The following NPFFR2 variants were observed in gnomAD, a reference collection of about 807,000 sequenced individuals.
The protein encoded by NPFFR2 is G-protein coupled receptor 74.
Under a neutral mutation model 13.1 loss-of-function variants are expected in NPFFR2, and 15 were observed. The ratio of observed to expected loss-of-function variants is 1.15; its 90% CI spans 0.77 to 1.76. NPFFR2 has a LOEUF of 1.76. Ranked by LOEUF, NPFFR2 falls within the 40% of genes most tolerant of loss-of-function variation. The probability of loss-of-function intolerance (pLI) is 0.00; values close to 1 mark genes in which losing one functional copy is unlikely to be tolerated. For missense variants in NPFFR2, 572 were observed against 503.5 expected, an observed-to-expected ratio of 1.14 and a Z score of -1.30; for synonymous variants, 190 against 175.7, an observed-to-expected ratio of 1.08 and a Z score of -0.65.
At chr4:72,091,281 A>G (rs79627281) in intron 1 of NPFFR2, among the ~76,000 whole-genome samples, 4,424 of 151,944 alleles carry the variant, frequency 0.029, 173 homozygotes, top group African/African-American at 0.09. Flanking sequence ...CAGGGACATT[A>G]GTGTGTAGTT....
At chr4:72,109,123 A>G (rs1721494608) in intron 1 of NPFFR2, among the ~76,000 whole-genome samples, 1 of 152,050 alleles carries the variant, frequency 6.6e-6, no homozygotes, top group South Asian at 2.1e-4. Flanking sequence ...TTTAGATTAC[A>G]GATTACTAAG....
intron 1 of NPFFR2, chr4:72,069,066 A>G (rs1426192849): frequency 6.2e-6 from 4 of 640,296 alleles, no homozygotes; most frequent in Non-Finnish European, 9.9e-6. Flanking sequence ...AAAAGAGATA[A>G]TACCAACACT....
chr4:72,049,431 G>T (rs1294787842), intron 1 of NPFFR2, among the ~76,000 whole-genome samples: 1 of 151,974 alleles, frequency 6.6e-6, no homozygotes, highest in African/African-American at 2.4e-5. Context: ...ATTTTTGCAG[G>T]GTGATTGTTC....
chr4:72,070,557 G>GGGGGGGGC, intron 1 of NPFFR2, among the ~76,000 whole-genome samples: 1 of 2,162 alleles, frequency 4.6e-4, no homozygotes, highest in East Asian at 5.7e-3. Flanking sequence ...GTGTGTGTGT[G>GGGGGGGGC]TGTGGGGGGG....
chr4:72,045,099 C>T (rs557808743), intron 1 of NPFFR2, among the ~76,000 whole-genome samples: 1 of 152,088 alleles, frequency 6.6e-6, no homozygotes, highest in East Asian at 1.9e-4. Flanking sequence ...TTCTTTCTTC[C>T]ACATATGGAT....
At chr4:72,037,018 G>A (rs1337218950) in intron 1 of NPFFR2, among the ~76,000 whole-genome samples, 2 of 152,084 alleles carry the variant, frequency 1.3e-5, no homozygotes, top group South Asian at 2.1e-4. Flanking sequence ...ATTTAAAGAG[G>A]TGATACTTGC....
At chr4:72,043,352 C>T (rs1719284114) in intron 1 of NPFFR2, among the ~76,000 whole-genome samples, 1 of 152,150 alleles carries the variant, frequency 6.6e-6, no homozygotes, top group African/African-American at 2.4e-5. Flanking sequence ...CCTAGTAGGC[C>T]TGTGAGAAGA....
intron 1 of NPFFR2, among the ~76,000 whole-genome samples, chr4:72,080,219 C>T (rs1720570935): frequency 6.6e-6 from 1 of 151,376 alleles, no homozygotes; most frequent in Non-Finnish European, 1.5e-5. Flanking sequence ...GGCCGGAGTG[C>T]AGTGGTGCAA....
chr4:72,103,195 C>T (rs1423902826), intron 1 of NPFFR2, among the ~76,000 whole-genome samples: 4 of 152,112 alleles, frequency 2.6e-5, no homozygotes, highest in Non-Finnish European at 5.9e-5. Flanking sequence ...ATTTTCAGAG[C>T]CAATTCTATT....
chr4:72,134,741 T>C (rs992425309), intron 2 of NPFFR2, among the ~76,000 whole-genome samples: 6 of 152,156 alleles, frequency 3.9e-5, no homozygotes, highest in African/African-American at 1.2e-4. Flanking sequence ...TTTAAACATA[T>C]CAGGTATCTA....
chr4:72,055,254 C>T (rs1458525321), intron 1 of NPFFR2, among the ~76,000 whole-genome samples: 8 of 151,766 alleles, frequency 5.3e-5, no homozygotes, highest in Admixed American at 1.3e-4. Flanking sequence ...GTTCCCCAAG[C>T]GCATAGGCTC....
chr4:72,076,207 A>G (rs1295146918), intron 1 of NPFFR2, among the ~76,000 whole-genome samples: 1 of 151,632 alleles, frequency 6.6e-6, no homozygotes, highest in Non-Finnish European at 1.5e-5. Context: ...ATTTAAAGCA[A>G]ATACATTTTT....
At chr4:72,063,225 A>C (rs1471626618) in intron 1 of NPFFR2, among the ~76,000 whole-genome samples, 1 of 152,204 alleles carries the variant, frequency 6.6e-6, no homozygotes, top group Non-Finnish European at 1.5e-5. Flanking sequence ...TATATTTGTT[A>C]TTCTACCAAG....
intron 3 of NPFFR2, among the ~76,000 whole-genome samples, chr4:72,140,518 A>G (rs539192325): frequency 1.3e-5 from 2 of 152,156 alleles, no homozygotes; most frequent in East Asian, 1.9e-4. Flanking sequence ...TGAGATAATC[A>G]TGTGGTGTTT....
At chr4:72,034,386 G>C (rs1202205870) in intron 1 of NPFFR2, among the ~76,000 whole-genome samples, 2 of 152,148 alleles carry the variant, frequency 1.3e-5, no homozygotes, top group Non-Finnish European at 2.9e-5. Flanking sequence ...TGGCACGAAG[G>C]AGAAACGCCA....
At chr4:72,055,270 G>T (rs1041521434) in intron 1 of NPFFR2, among the ~76,000 whole-genome samples, 1 of 148,260 alleles carries the variant, frequency 6.7e-6, no homozygotes, top group African/African-American at 2.5e-5. Flanking sequence ...GGCTCACTTC[G>T]TGTCTTTGTC....
intron 3 of NPFFR2, among the ~76,000 whole-genome samples, chr4:72,139,127 T>C (rs935917258): frequency 3.3e-5 from 5 of 152,158 alleles, no homozygotes; most frequent in African/African-American, 1.2e-4. Context: ...CTTGTAAATT[T>C]GTTTAAGTTC....
chr4:72,041,933 G>C (rs181387423), intron 1 of NPFFR2, among the ~76,000 whole-genome samples: 10 of 152,280 alleles, frequency 6.6e-5, no homozygotes, highest in African/African-American at 2.2e-4. Flanking sequence ...CACTCTGTAG[G>C]TTGTCTGTTT....
At chr4:72,104,079 CAT>C in intron 1 of NPFFR2, among the ~76,000 whole-genome samples, 1 of 152,142 alleles carries the variant, frequency 6.6e-6, no homozygotes, top group Non-Finnish European at 1.5e-5. Context: ...TTGTGAAAAA[CAT>C]ATGGAGGCAA....
Sources: gnomAD v4.1 joint callset for allele counts (sites outside exome capture counted in the v4.1 genomes callset) on GRCh38, gnomAD v4.1.1 for gene constraint, MANE v1.5 for transcripts, NCBI Gene and HGNC (gene_info 2026-07-23, HGNC 2026-07-21) for gene names.